The following ATRNL1 variants were observed in gnomAD, a reference collection of about 807,000 sequenced individuals.
ATRNL1 encodes attractin like 1, also known as attractin-like protein 1.
Under a neutral mutation model 182.7 loss-of-function variants are expected in ATRNL1, and 95 were observed. The observed-to-expected ratio is 0.52, with a 90% CI of 0.44 to 0.62. The LOEUF is 0.62. Among genes scored for constraint, ATRNL1 ranks in the 20% least tolerant of loss-of-function variants. The pLI, the probability that ATRNL1 is intolerant of heterozygous loss-of-function variation, is 0.00. For missense variants in ATRNL1, 1,471 were observed against 1,679.5 expected, an observed-to-expected ratio of 0.88 and a Z score of 2.17; for synonymous variants, 576 against 568.3, an observed-to-expected ratio of 1.01 and a Z score of -0.19.
chr10:115,159,478 TG>T (rs1554882756), intron 5 of ATRNL1, among the ~76,000 whole-genome samples: 1 of 151,544 alleles, frequency 6.6e-6, no homozygotes, highest in African/African-American at 2.4e-5. Context: ...TTTTTCTTTT[TG>T]AGGACTCCAC....
chr10:115,759,443 G>A (rs1031440299), intron 27 of ATRNL1, among the ~76,000 whole-genome samples: 1 of 152,046 alleles, frequency 6.6e-6, no homozygotes, highest in Non-Finnish European at 1.5e-5. Flanking sequence ...CTCCATTTGT[G>A]ATAACCAAAA....
intron 21 of ATRNL1, among the ~76,000 whole-genome samples, chr10:115,437,599 T>G (rs2134434497): frequency 6.6e-6 from 1 of 152,150 alleles, no homozygotes; most frequent in Non-Finnish European, 1.5e-5. Context: ...ATCGTACCAT[T>G]GTTTAAATGT....
chr10:115,617,237 G>A (rs1209137677), intron 26 of ATRNL1, among the ~76,000 whole-genome samples: 1 of 152,162 alleles, frequency 6.6e-6, no homozygotes, highest in Non-Finnish European at 1.5e-5. Flanking sequence ...GCCCTACTTG[G>A]TTTCAGACTT....
At chr10:115,409,233 C>T (rs544313965) in intron 20 of ATRNL1, among the ~76,000 whole-genome samples, 4 of 152,122 alleles carry the variant, frequency 2.6e-5, no homozygotes, top group Admixed American at 2.6e-4. Context: ...TTGCATTCTC[C>T]TCAATTTTAT....
intron 26 of ATRNL1, among the ~76,000 whole-genome samples, chr10:115,642,647 A>G (rs12251428): frequency 0.012 from 1,777 of 152,004 alleles, 36 homozygotes; most frequent in African/African-American, 0.04. Flanking sequence ...GTTTCACCAT[A>G]TTGGCCAGGC....
At chr10:115,652,419 A>G (rs1439827177) in intron 26 of ATRNL1, among the ~76,000 whole-genome samples, 1 of 152,116 alleles carries the variant, frequency 6.6e-6, no homozygotes, top group East Asian at 1.9e-4. Flanking sequence ...ACCAGTAATA[A>G]TAAGTTGTGA....
intron 27 of ATRNL1, among the ~76,000 whole-genome samples, chr10:115,797,139 A>G (rs1055056720): frequency 1.3e-5 from 2 of 152,336 alleles, no homozygotes; most frequent in East Asian, 1.9e-4. Context: ...TGGCAGGAAC[A>G]AGCTTTTATT....
chr10:115,327,076 TGACAAATGG>T (rs1854933306), intron 18 of ATRNL1, among the ~76,000 whole-genome samples: 1 of 150,710 alleles, frequency 6.6e-6, no homozygotes, highest in South Asian at 2.1e-4. Context: ...AAGCCAAAAT[TGACAAATGG>T]GATCTAATTA....
chr10:115,341,935 A>G (rs1017665784), intron 19 of ATRNL1, among the ~76,000 whole-genome samples: 10 of 152,134 alleles, frequency 6.6e-5, no homozygotes, highest in Non-Finnish European at 1.0e-4. Context: ...ATTGTAGGCA[A>G]CAGATTATTG....
intron 28 of ATRNL1, among the ~76,000 whole-genome samples, chr10:115,942,888 A>G (rs1262213908): frequency 1.3e-5 from 2 of 152,250 alleles, no homozygotes; most frequent in Non-Finnish European, 2.9e-5. Flanking sequence ...ATATGTAGCT[A>G]TGATAAGCCA....
chr10:115,276,461 G>A (rs1852109209), intron 13 of ATRNL1, among the ~76,000 whole-genome samples: 1 of 152,162 alleles, frequency 6.6e-6, no homozygotes, highest in Non-Finnish European at 1.5e-5. Context: ...ATGATGATGT[G>A]TTAACAAGGA....
At chr10:115,267,952 G>A (rs1343277766) in intron 12 of ATRNL1, among the ~76,000 whole-genome samples, 1 of 151,914 alleles carries the variant, frequency 6.6e-6, no homozygotes, top group Non-Finnish European at 1.5e-5. Context: ...AGTAGAGATG[G>A]GTTTTGTGAT....
intron 15 of ATRNL1, among the ~76,000 whole-genome samples, chr10:115,299,810 T>G (rs782581485): frequency 1.3e-5 from 2 of 152,224 alleles, no homozygotes; most frequent in African/African-American, 4.8e-5. Context: ...ATTCCAATCA[T>G]GTAGCTAAAT....
intron 20 of ATRNL1, among the ~76,000 whole-genome samples, chr10:115,396,808 A>C (rs1844312260): frequency 1.3e-5 from 2 of 151,968 alleles, no homozygotes; most frequent in African/African-American, 4.8e-5. Context: ...AGACAAAAGA[A>C]AGCAGAATTT....
chr10:115,798,987 T>C (rs1456608749), intron 27 of ATRNL1, among the ~76,000 whole-genome samples: 1 of 151,856 alleles, frequency 6.6e-6, no homozygotes, highest in African/African-American at 2.4e-5. Flanking sequence ...CCACCATGCC[T>C]GGCTAATTTT....
chr10:115,105,000 A>G (rs1048985094), intron 1 of ATRNL1, among the ~76,000 whole-genome samples: 2 of 151,296 alleles, frequency 1.3e-5, no homozygotes, highest in African/African-American at 2.4e-5. Flanking sequence ...TGCTTCCAGT[A>G]TTGCTCTTTT....
intron 10 of ATRNL1, among the ~76,000 whole-genome samples, chr10:115,252,947 G>T (rs1850944011): frequency 2.0e-5 from 3 of 152,132 alleles, no homozygotes; most frequent in Admixed American, 2.0e-4. Context: ...TGGCCACTTT[G>T]TGCCAAGAGC....
At chr10:115,310,873 CTT>C (rs1853983727) in intron 17 of ATRNL1, among the ~76,000 whole-genome samples, 1 of 151,894 alleles carries the variant, frequency 6.6e-6, no homozygotes, top group South Asian at 2.1e-4. Context: ...TTGGTTTGTT[CTT>C]GTTTCTCTAG....
At chr10:115,495,066 C>T (rs1037681903) in intron 24 of ATRNL1, among the ~76,000 whole-genome samples, 4 of 151,296 alleles carry the variant, frequency 2.6e-5, no homozygotes, top group African/African-American at 4.9e-5. Context: ...AATCTTGGGT[C>T]GTTGTATGTT....
Sources: allele counts gnomAD v4.1 joint callset (sites outside exome capture counted in the v4.1 genomes callset), GRCh38; gene constraint gnomAD v4.1.1; transcripts MANE v1.5; gene names NCBI Gene and HGNC (gene_info 2026-07-23, HGNC 2026-07-21).